DCAF6: variants seen among roughly 807,000 people sequenced by gnomAD.
The protein encoded by DCAF6 is DDB1 and CUL4 associated factor 6, also known as DDB1- and CUL4-associated factor 6.
Under a neutral mutation model 125.1 loss-of-function variants are expected in DCAF6, and 54 were observed. The ratio of observed to expected loss-of-function variants is 0.43; its 90% CI spans 0.35 to 0.54. The LOEUF is 0.54. DCAF6 is among the 20% of genes least tolerant of loss of function. The pLI is 0.01. For synonymous variants in DCAF6, 371 were observed against 390.4 expected (o/e 0.95, Z 0.58); for missense variants, 934 against 1,161.7 (o/e 0.80, Z 2.85).
chr1:167,880,043 C>T, the DCAF6 span: 1 of 1,337,972 alleles, frequency 7.5e-7, no homozygotes, highest in Admixed American at 1.9e-5. Flanking sequence ...TTTTGTGCTT[C>T]CTCCCGCAAA....
intron 2 of DCAF6, among the ~76,000 whole-genome samples, chr1:167,965,401 T>C (rs1676246209): frequency 6.6e-6 from 1 of 152,182 alleles, no homozygotes; most frequent in Admixed American, 6.5e-5. Flanking sequence ...TAATAAAACC[T>C]CAGTGGGTAG....
At chr1:167,880,181 T>C in the DCAF6 span, 3 of 1,612,876 alleles carry the variant, frequency 1.9e-6, no homozygotes, top group South Asian at 1.1e-5. Context: ...GCAACACCGA[T>C]GGATACAGTT....
At chr1:168,037,526 A>G (rs1427290009) in intron 12 of DCAF6, among the ~76,000 whole-genome samples, 2 of 152,184 alleles carry the variant, frequency 1.3e-5, no homozygotes, top group East Asian at 3.8e-4. Context: ...AATGAAAAAT[A>G]TGTAAAGCTC....
chr1:167,904,081 G>GATTTTTT, the DCAF6 span: 5 of 501,766 alleles, frequency 1.0e-5, no homozygotes, highest in Non-Finnish European at 1.7e-5. Flanking sequence ...GCGGGCCTCA[G>GATTTTTT]CTTTTTTTTT....
chr1:167,986,757 G>A lies in DCAF6; in HGVS notation c.439-738G>A, dbSNP rs1165443802. ...CCTGCTGCTCACTACCTGCTTTGCTGCTCACTTCCTAACAGGCTACGGACC... is the reference window on the plus strand; with the variant it reads ...CCTGCTGCTCACTACCTGCTTTGCTACTCACTTCCTAACAGGCTACGGACC... On this transcript the variant is annotated intron_variant, in intron 4 of 21. Coordinates refer to ENST00000367840, the MANE Select transcript of DCAF6 (RefSeq NM_001198956.2). Among the ~76,000 whole-genome samples, 3 of 152,168 alleles carry A rather than the reference G, an allele frequency of 2.0e-5. No individual in the cohort carries two copies. In the East Asian group the frequency reaches 5.8e-4, roughly 29 times the overall value.
chr1:167,890,533 C>T, the DCAF6 span, among the ~76,000 whole-genome samples: 10 of 152,116 alleles, frequency 6.6e-5, no homozygotes, highest in African/African-American at 2.4e-4. Context: ...CTGGATATTG[C>T]CCAAGGCCCA....
chr1:167,880,184 A>C, the DCAF6 span: 1 of 1,612,846 alleles, frequency 6.2e-7, no homozygotes, highest in Non-Finnish European at 8.5e-7. Flanking sequence ...ACACCGATGG[A>C]TACAGTTCTG....
chr1:167,976,386 T>G (rs948009054), intron 4 of DCAF6, among the ~76,000 whole-genome samples: 2 of 152,190 alleles, frequency 1.3e-5, no homozygotes, highest in Admixed American at 1.3e-4. Context: ...TGAGAATTGC[T>G]TGAACAACCT....
At chr1:167,920,502 C>A in the DCAF6 span, 1 of 1,586,656 alleles carries the variant, frequency 6.3e-7, no homozygotes, top group Non-Finnish European at 8.6e-7. Context: ...AAACAAAAAT[C>A]ATTTATGTTC....
At position 168,045,072 on chromosome 1, in the gene DCAF6, C is replaced by T. The variant is rs985465111; in HGVS notation, c.2103C>T (p.Asn701=). 1 of 1,613,884 alleles carries T rather than the reference C, an allele frequency of 6.2e-7. No individual in the cohort carries two copies. Among genetic ancestry groups the T allele is most frequent in the Non-Finnish European group, 8.5e-7 (1 of 1,179,946 alleles). ...CTGAGAGTGCTACCAATGAAAATAA[C>T]ACCAATCCTGAGCCTCAGTTCCAAA... The part of the protein sequence containing the change: ...TSTESATNEN[N]TNPEPQFQTE... Residue 701 remains asparagine (N), a synonymous_variant, in exon 16 of 22, where the codon AAC becomes AAT. Transcript: ENST00000367840.
chr1:167,872,520 C>A, the DCAF6 span, among the ~76,000 whole-genome samples: 1 of 152,046 alleles, frequency 6.6e-6, no homozygotes, highest in East Asian at 1.9e-4. Context: ...TTGTTTCTAT[C>A]TAAGCAAAGC....
chr1:168,011,282 A>G (rs987181228), intron 10 of DCAF6, among the ~76,000 whole-genome samples: 2 of 151,538 alleles, frequency 1.3e-5, no homozygotes, highest in African/African-American at 4.8e-5. Flanking sequence ...TGTCTGGCTA[A>G]TTTTTTTTGT....
At chr1:167,883,735 A>C in the DCAF6 span, 9 of 1,000,622 alleles carry the variant, frequency 9.0e-6, no homozygotes, top group Admixed American at 1.5e-4. Context: ...TCTACCTCAG[A>C]ATGGGTGAGG....
At chr1:167,989,141 C>G (rs147258329) in intron 5 of DCAF6, among the ~76,000 whole-genome samples, 1 of 152,058 alleles carries the variant, frequency 6.6e-6, no homozygotes. Flanking sequence ...TTTTTTGTTA[C>G]GTATTTGTAT....
the DCAF6 span, among the ~76,000 whole-genome samples, chr1:167,865,330 A>G: frequency 1.3e-5 from 2 of 152,248 alleles, no homozygotes; most frequent in African/African-American, 4.8e-5. Flanking sequence ...CTAAAGATAA[A>G]AAGGTATCAT....
At chr1:167,875,647 A>G in the DCAF6 span, among the ~76,000 whole-genome samples, 1 of 152,144 alleles carries the variant, frequency 6.6e-6, no homozygotes, top group Non-Finnish European at 1.5e-5. Flanking sequence ...CCTGACAAAA[A>G]CACTGTTAAG....
At chr1:167,933,642 AAATACTGTTAGGCAAAAT>A (rs1262066974), upstream of DCAF6, among the ~76,000 whole-genome samples, 1 of 152,248 alleles carries the variant, frequency 6.6e-6, no homozygotes, top group Admixed American at 6.5e-5. Flanking sequence ...ATTCAATAAC[AAATACTGTTAGGCAAAAT>A]AGTATGCAAA....
the DCAF6 span, chr1:167,914,187 A>G: frequency 6.6e-6 from 1 of 152,488 alleles, no homozygotes; most frequent in South Asian, 2.1e-4. Flanking sequence ...TTCCACGGGC[A>G]CCGACCATGT....
chr1:168,005,872 G>A (rs1309158661), intron 10 of DCAF6, among the ~76,000 whole-genome samples: 1 of 152,104 alleles, frequency 6.6e-6, no homozygotes, highest in Admixed American at 6.5e-5. Flanking sequence ...ATAAGCTAAA[G>A]CTGAGCTACA....
Sources: allele counts gnomAD v4.1 joint callset (sites outside exome capture counted in the v4.1 genomes callset), GRCh38; gene constraint gnomAD v4.1.1; transcripts MANE v1.5; gene names NCBI Gene and HGNC (gene_info 2026-07-23, HGNC 2026-07-21).